Variants in HHAT observed in about 807,000 individuals in gnomAD.
HHAT encodes protein-cysteine N-palmitoyltransferase HHAT.
HHAT carries 47 observed loss-of-function variants against 70.8 expected under a neutral mutation model. The observed-to-expected ratio is 0.66, with a 90% CI of 0.53 to 0.85. The LOEUF (loss-of-function observed/expected upper bound fraction) is 0.85. HHAT is among the 40% of genes least tolerant of loss of function. The pLI, the probability that HHAT is intolerant of heterozygous loss-of-function variation, is 0.00. For missense variants in HHAT, 609 were observed against 604.8 expected, an observed-to-expected ratio of 1.01 and a Z score of -0.07; for synonymous variants, 228 against 247.6, an observed-to-expected ratio of 0.92 and a Z score of 0.74.
chr1:210,634,498 A>C (rs1405609453), intron 11 of HHAT, among the ~76,000 whole-genome samples: 1 of 152,198 alleles, frequency 6.6e-6, no homozygotes, highest in Non-Finnish European at 1.5e-5. Flanking sequence ...AAATCTGAAA[A>C]ATACCAGACA....
At position 210,624,902 on chromosome 1, in the gene HHAT, C is replaced by T. The variant is rs141733228; in HGVS notation, c.1390+1232C>T. ...GGGAAGCTTTGCCAAGTGGTGATGA[C>T]ATAACTCTGCACAGCTGGCCCATTA... On this transcript the variant is annotated intron_variant, in intron 11 of 11. Transcript: ENST00000261458. 3.1e-3 allele frequency among the ~76,000 whole-genome samples: 471 copies of T among 152,336 alleles called. 5 individuals carry two copies. Among genetic ancestry groups the T allele is most frequent in the African/African-American group, 0.011 (452 of 41,576 alleles).
At chr1:210,569,145 G>A (rs563727082) in intron 9 of HHAT, among the ~76,000 whole-genome samples, 5 of 151,986 alleles carry the variant, frequency 3.3e-5, no homozygotes, top group Non-Finnish European at 5.9e-5. Context: ...AGGCCGAAGC[G>A]GGCAGATCAC....
At chr1:210,380,608 C>T (rs892768490) in intron 3 of HHAT, among the ~76,000 whole-genome samples, 13 of 151,930 alleles carry the variant, frequency 8.6e-5, no homozygotes, top group Admixed American at 2.6e-4. Context: ...TACAGGTAAC[C>T]GTAGTGGCAT....
intron 3 of HHAT, among the ~76,000 whole-genome samples, chr1:210,386,739 T>C (rs149844129): frequency 6.6e-6 from 1 of 152,208 alleles, no homozygotes; most frequent in East Asian, 1.9e-4. Context: ...GACTTTGAGG[T>C]GCTGGTTCCT....
At chr1:210,373,901 G>A (rs934387769) in intron 3 of HHAT, among the ~76,000 whole-genome samples, 1 of 152,178 alleles carries the variant, frequency 6.6e-6, no homozygotes, top group Admixed American at 6.5e-5. Context: ...ACTTAAGGGG[G>A]AGTCTCCAAA....
intron 9 of HHAT, among the ~76,000 whole-genome samples, chr1:210,583,870 A>C (rs1286015493): frequency 3.3e-5 from 5 of 151,812 alleles, no homozygotes; most frequent in African/African-American, 4.8e-5. Context: ...TTGGAGTTGA[A>C]TCTAAGATCA....
At chr1:210,391,983 C>G (rs1038941188) in intron 4 of HHAT, among the ~76,000 whole-genome samples, 1 of 152,078 alleles carries the variant, frequency 6.6e-6, no homozygotes, top group African/African-American at 2.4e-5. Flanking sequence ...AATCCTCCTG[C>G]CTCAGCTCCC....
Position 210,572,352 on chromosome 1 carries a change from ACCT to A in HHAT, c.1044-15545_1044-15543del, listed in dbSNP as rs372695077. Among the ~76,000 whole-genome samples the A allele has an allele frequency of 2.9e-3, 447 of 152,162 alleles. 1 individual carries two copies. Among genetic ancestry groups the A allele is most frequent in the African/African-American group, 0.01 (418 of 41,482 alleles). ...TTTGAAAATCACATCAGTTTCAAAG[ACCT>A]TTATTTTCCTTCTCCCTGAAGACAG... On this transcript the variant is annotated intron_variant, in intron 9 of 11. Transcript: ENST00000261458.
chr1:210,468,692 T>G (rs2094149108), intron 8 of HHAT, among the ~76,000 whole-genome samples: 1 of 152,164 alleles, frequency 6.6e-6, no homozygotes, highest in Non-Finnish European at 1.5e-5. Context: ...CTGCTGGCTT[T>G]GCATTAGTAC....
intron 4 of HHAT, among the ~76,000 whole-genome samples, chr1:210,398,645 G>A (rs1443316873): frequency 6.6e-6 from 1 of 152,164 alleles, no homozygotes; most frequent in Admixed American, 6.5e-5. Context: ...GGATCAAATA[G>A]CACTTAATAA....
intron 7 of HHAT, among the ~76,000 whole-genome samples, chr1:210,422,499 TGTG>T (rs2092933245): frequency 6.6e-6 from 1 of 152,230 alleles, no homozygotes; most frequent in Non-Finnish European, 1.5e-5. Context: ...AGTGAGAACA[TGTG>T]GTGTTAACTT....
At chr1:210,423,146 C>T (rs1424804903) in intron 7 of HHAT, among the ~76,000 whole-genome samples, 3 of 152,176 alleles carry the variant, frequency 2.0e-5, no homozygotes, top group Non-Finnish European at 2.9e-5. Context: ...GACTTCCATA[C>T]TGTTCCCCAT....
intron 7 of HHAT, among the ~76,000 whole-genome samples, chr1:210,446,855 A>G (rs1470434894): frequency 1.3e-5 from 2 of 152,096 alleles, no homozygotes; most frequent in Non-Finnish European, 2.9e-5. Flanking sequence ...TGTGCGTAGG[A>G]CTCATTGCCA....
chr1:210,558,085 G>T (rs1241810916), intron 9 of HHAT, among the ~76,000 whole-genome samples: 1 of 152,198 alleles, frequency 6.6e-6, no homozygotes, highest in African/African-American at 2.4e-5. Context: ...ATTCAACCTT[G>T]TATTTGCGGA....
chr1:210,380,821 G>C (rs572648946), intron 3 of HHAT, among the ~76,000 whole-genome samples: 64 of 152,090 alleles, frequency 4.2e-4, no homozygotes, highest in African/African-American at 1.5e-3. Context: ...GGTCAGAGGG[G>C]TCAATGCAGT....
At chr1:210,645,651 C>G (rs1419108819) in intron 11 of HHAT, among the ~76,000 whole-genome samples, 1 of 152,226 alleles carries the variant, frequency 6.6e-6, no homozygotes. Context: ...TGTATGCTTT[C>G]TTTCTCAGTT....
At position 210,662,480 on chromosome 1, in the gene HHAT, C is replaced by T. The variant is rs150374797; in HGVS notation, c.1391-11808C>T. On this transcript the variant is annotated intron_variant, in intron 11 of 11. Coordinates refer to ENST00000261458, the MANE Select transcript of HHAT (RefSeq NM_018194.6). ...ATAGTGTGGTCATGAATTAATAATG[C>T]ACAACACTCCTAATTAGGCTGGAAT... 4.3e-3 allele frequency among the ~76,000 whole-genome samples: 652 copies of T among 152,218 alleles called. 2 individuals are homozygous for T. The highest frequency in any genetic ancestry group is 0.015 in the African/African-American group (625 of 41,506).
rs192205071 is a variant in HHAT at position 210,660,401 on chromosome 1, A to G, written c.1391-13887A>G. Among the ~76,000 whole-genome samples, 598 of 152,304 alleles carry G rather than the reference A, an allele frequency of 3.9e-3. 4 individuals are homozygous for G. The highest frequency in any genetic ancestry group is 0.014 in the African/African-American group (570 of 41,558). ...CAAGGAGAACTACAAACCACTGCTC[A>G]ACGAATTAAAAGGGGACATAAACAA... is the stretch of plus-strand genomic sequence containing the variant. On this transcript the variant is annotated intron_variant, in intron 11 of 11. Transcript: ENST00000261458.
intron 2 of HHAT, among the ~76,000 whole-genome samples, chr1:210,361,135 T>C (rs1382084660): frequency 6.6e-6 from 1 of 152,222 alleles, no homozygotes; most frequent in East Asian, 1.9e-4. Context: ...TTTCTAAAGG[T>C]TGCAGTTTCT....
Sources: allele counts gnomAD v4.1 joint callset (sites outside exome capture counted in the v4.1 genomes callset), GRCh38; gene constraint gnomAD v4.1.1; transcripts MANE v1.5; gene names NCBI Gene and HGNC (gene_info 2026-07-23, HGNC 2026-07-21).